ZNG1A: variants seen among roughly 807,000 people sequenced by gnomAD.
The protein encoded by ZNG1A is Zn regulated GTPase metalloprotein activator 1A.
At chr9:146,281 G>T in the ZNG1A span, 11 of 997,644 alleles carry the variant, frequency 1.1e-5, no homozygotes, top group African/African-American at 1.8e-4. Context: ...GGCAAATGGT[G>T]TAAGATTTGA....
At chr9:169,027 C>T in the ZNG1A span, among the ~76,000 whole-genome samples, 1 of 152,048 alleles carries the variant, frequency 6.6e-6, no homozygotes, top group African/African-American at 2.4e-5. Flanking sequence ...ACTTTTAAGT[C>T]TTATTTAAGA....
the ZNG1A span, among the ~76,000 whole-genome samples, chr9:128,805 GCT>G: frequency 6.6e-6 from 1 of 150,474 alleles, no homozygotes; most frequent in Non-Finnish European, 1.5e-5. Flanking sequence ...ATTTGGGTAG[GCT>G]CTGTCAGAGA....
At chr9:147,757 C>G in the ZNG1A span, 1 of 148,910 alleles carries the variant, frequency 6.7e-6, no homozygotes, top group Non-Finnish European at 1.5e-5. Context: ...TGACAGGTCA[C>G]AGACAAGGGG....
At chr9:127,122 T>C in the ZNG1A span, among the ~76,000 whole-genome samples, 1,281 of 152,224 alleles carry the variant, frequency 8.4e-3, 22 homozygotes, top group African/African-American at 0.029. Context: ...TTACAGAAAG[T>C]TCATGTGCTG....
chr9:131,265 A>C, the ZNG1A span, among the ~76,000 whole-genome samples: 1 of 138,636 alleles, frequency 7.2e-6, no homozygotes, highest in Non-Finnish European at 1.5e-5. Flanking sequence ...AAAGTGAGCC[A>C]ATAATTGAGA....
At chr9:154,752 G>C in the ZNG1A span, 3 of 1,597,916 alleles carry the variant, frequency 1.9e-6, no homozygotes, top group Non-Finnish European at 1.7e-6. Flanking sequence ...TCTGGAACCA[G>C]GTCTGTTTTA....
At chr9:149,189 A>G in the ZNG1A span, 1 of 151,722 alleles carries the variant, frequency 6.6e-6, no homozygotes, top group Non-Finnish European at 1.5e-5. Context: ...TTAGCCTCAC[A>G]TTGAATCTAC....
the ZNG1A span, among the ~76,000 whole-genome samples, chr9:156,846 T>A: frequency 2.0e-5 from 3 of 152,160 alleles, no homozygotes; most frequent in Admixed American, 6.5e-5. Context: ...CATAGAAGAT[T>A]ACAGTTCAGA....
chr9:178,205 C>T, the ZNG1A span, among the ~76,000 whole-genome samples: 28 of 149,982 alleles, frequency 1.9e-4, no homozygotes, highest in Non-Finnish European at 3.7e-4. Context: ...TCGAGTATCC[C>T]TGTACACTCT....
chr9:139,925 A>G, the ZNG1A span, among the ~76,000 whole-genome samples: 1 of 150,304 alleles, frequency 6.7e-6, no homozygotes, highest in African/African-American at 2.5e-5. Context: ...AGATCGGGTC[A>G]CTCCCACCCC....
At chr9:172,546 A>G in the ZNG1A span, 1 of 168,262 alleles carries the variant, frequency 5.9e-6, no homozygotes, top group South Asian at 1.5e-4. Context: ...CACTGATATT[A>G]AACACCATAT....
the ZNG1A span, chr9:151,413 T>C: frequency 2.1e-6 from 2 of 966,096 alleles, no homozygotes; most frequent in African/African-American, 4.1e-5. Context: ...TTGCTGAGTC[T>C]ATTAGCTGCT....
the ZNG1A span, among the ~76,000 whole-genome samples, chr9:159,478 G>A: frequency 6.6e-6 from 1 of 152,202 alleles, no homozygotes; most frequent in Non-Finnish European, 1.5e-5. Flanking sequence ...TGATGGATAG[G>A]TTAACTAGCT....
At chr9:159,748 T>A in the ZNG1A span, among the ~76,000 whole-genome samples, 1 of 151,782 alleles carries the variant, frequency 6.6e-6, no homozygotes, top group South Asian at 2.1e-4. Context: ...GAAAGAACAC[T>A]GCTGTTGACC....
At chr9:141,823 C>T in the ZNG1A span, among the ~76,000 whole-genome samples, 2 of 152,112 alleles carry the variant, frequency 1.3e-5, no homozygotes, top group African/African-American at 4.8e-5. Context: ...CACACACAGG[C>T]TCAAAATAAA....
the ZNG1A span, chr9:154,430 G>A: frequency 2.0e-6 from 1 of 498,558 alleles, no homozygotes; most frequent in Non-Finnish European, 3.5e-6. Flanking sequence ...ACTGACATTA[G>A]GAAAGAGTCA....
chr9:169,012 CTTTGACT>C, the ZNG1A span, among the ~76,000 whole-genome samples: 1 of 152,054 alleles, frequency 6.6e-6, no homozygotes, highest in Middle Eastern at 3.2e-3. Context: ...CAAGGAGTAA[CTTTGACT>C]TTTAAGTCTT....
the ZNG1A span, among the ~76,000 whole-genome samples, chr9:170,335 TTGTGTGTGTGTGTGTATGAATGTGTGTG>T: frequency 6.8e-6 from 1 of 146,566 alleles, no homozygotes; most frequent in Non-Finnish European, 1.5e-5. Context: ...ATGTACCTAC[TTGTGTGTGTGTGTGTATGAATGTGTGTG>T]TGTGTGTGTG....
chr9:151,342 C>G, the ZNG1A span: 1 of 981,362 alleles, frequency 1.0e-6, no homozygotes, highest in Non-Finnish European at 1.2e-6. Flanking sequence ...AAGAATTTCT[C>G]CAGTAGAGAC....
Sources: allele counts gnomAD v4.1 joint callset (sites outside exome capture counted in the v4.1 genomes callset), GRCh38; gene constraint gnomAD v4.1.1; transcripts MANE v1.5; gene names NCBI Gene and HGNC (gene_info 2026-07-23, HGNC 2026-07-21).